Variants in CCSER1 observed in about 807,000 individuals in gnomAD.
CCSER1 encodes coiled-coil serine rich protein 1, also known as serine-rich coiled-coil domain-containing protein 1.
In CCSER1, 41 loss-of-function variants were observed where a neutral mutation model predicts 82.0. The ratio of observed to expected loss-of-function variants is 0.50; its 90% CI spans 0.39 to 0.65. The LOEUF (loss-of-function observed/expected upper bound fraction) is 0.65. Ranked by LOEUF, CCSER1 falls within the 30% of genes least tolerant of loss-of-function variation. CCSER1 has a pLI of 0.00. For synonymous variants in CCSER1, 414 were observed against 383.9 expected (o/e 1.08, Z -0.92); for missense variants, 1,119 against 1,064.2 (o/e 1.05, Z -0.72).
intron 8 of CCSER1, among the ~76,000 whole-genome samples, chr4:90,827,160 A>C (rs1760575757): frequency 1.3e-5 from 2 of 152,200 alleles, no homozygotes; most frequent in African/African-American, 4.8e-5. Flanking sequence ...ATATCCGTGC[A>C]GTTTCTGGGA....
chr4:90,794,808 T>C (rs1042129381), intron 7 of CCSER1, among the ~76,000 whole-genome samples: 1 of 152,204 alleles, frequency 6.6e-6, no homozygotes, highest in African/African-American at 2.4e-5. Context: ...GAGCATGGAA[T>C]GTTTTCCCAT....
At chr4:91,058,431 C>T (rs975397609) in intron 9 of CCSER1, among the ~76,000 whole-genome samples, 4 of 152,094 alleles carry the variant, frequency 2.6e-5, no homozygotes, top group African/African-American at 7.2e-5. Flanking sequence ...CATGTTCCCT[C>T]TTGTAATGTT....
chr4:90,955,076 G>A (rs1408068018), intron 9 of CCSER1, among the ~76,000 whole-genome samples: 1 of 152,072 alleles, frequency 6.6e-6, no homozygotes, highest in Non-Finnish European at 1.5e-5. Flanking sequence ...TTTCTCATTA[G>A]CACTTGTTAC....
chr4:90,370,756 C>G (rs756943781), intron 3 of CCSER1, among the ~76,000 whole-genome samples: 1 of 151,992 alleles, frequency 6.6e-6, no homozygotes, highest in Admixed American at 6.6e-5. Context: ...ACACCTCATG[C>G]ACCTAGCATT....
chr4:90,250,837 A>G (rs959631194), intron 1 of CCSER1, among the ~76,000 whole-genome samples: 6 of 152,038 alleles, frequency 3.9e-5, no homozygotes, highest in Non-Finnish European at 7.4e-5. Context: ...GTTCTAATCA[A>G]TGACCATCAA....
chr4:91,533,831 G>A (rs1761155784), intron 10 of CCSER1, among the ~76,000 whole-genome samples: 1 of 151,804 alleles, frequency 6.6e-6, no homozygotes. Context: ...CATTCACCTG[G>A]TTCTCAATTA....
intron 10 of CCSER1, among the ~76,000 whole-genome samples, chr4:91,190,532 T>G (rs1734912353): frequency 6.6e-6 from 1 of 152,206 alleles, no homozygotes; most frequent in Non-Finnish European, 1.5e-5. Flanking sequence ...TAAGAATTTT[T>G]TTTTCCACAA....
chr4:90,390,939 C>G (rs1428588822), intron 3 of CCSER1, among the ~76,000 whole-genome samples: 6 of 151,910 alleles, frequency 3.9e-5, no homozygotes, highest in Non-Finnish European at 8.8e-5. Context: ...TGCAGCCTTG[C>G]AAGGATCTCT....
chr4:90,892,887 T>G (rs1723156346), intron 8 of CCSER1, among the ~76,000 whole-genome samples: 1 of 152,080 alleles, frequency 6.6e-6, no homozygotes, highest in Admixed American at 6.6e-5. Context: ...GAATTTTTCT[T>G]TTCTTTGTTT....
At chr4:90,324,641 G>A (rs527876181) in intron 3 of CCSER1, among the ~76,000 whole-genome samples, 1,652 of 150,516 alleles carry the variant, frequency 0.011, 30 homozygotes, top group African/African-American at 0.039. Flanking sequence ...TCTGATGGTA[G>A]TTTCTTTTGC....
At chr4:90,831,313 T>C (rs1052782875) in intron 8 of CCSER1, among the ~76,000 whole-genome samples, 5 of 152,212 alleles carry the variant, frequency 3.3e-5, no homozygotes, top group Admixed American at 6.5e-5. Context: ...ACTGTATTCA[T>C]TATTTTCTAT....
At chr4:91,427,937 T>A (rs1156705444) in intron 10 of CCSER1, among the ~76,000 whole-genome samples, 1 of 152,020 alleles carries the variant, frequency 6.6e-6, no homozygotes, top group Non-Finnish European at 1.5e-5. Flanking sequence ...GGGATATAGC[T>A]TTTATTTAGC....
intron 10 of CCSER1, among the ~76,000 whole-genome samples, chr4:91,150,357 T>C (rs1161887745): frequency 6.6e-6 from 1 of 152,242 alleles, no homozygotes; most frequent in African/African-American, 2.4e-5. Context: ...TGAAGTTGCT[T>C]ATCAGCTTAA....
At chr4:91,275,932 A>AT (rs1195120319) in intron 10 of CCSER1, among the ~76,000 whole-genome samples, 1 of 151,902 alleles carries the variant, frequency 6.6e-6, no homozygotes, top group African/African-American at 2.4e-5. Context: ...ACTCCAATTT[A>AT]TTTTTTTGGT....
chr4:90,565,864 A>AT (rs200488526), intron 5 of CCSER1, among the ~76,000 whole-genome samples: 9,282 of 136,768 alleles, frequency 0.068, 473 homozygotes, highest in Admixed American at 0.18. Context: ...ATCCCTCTTG[A>AT]TTTTTTTTTT....
chr4:91,335,847 G>A (rs1033942123), intron 10 of CCSER1, among the ~76,000 whole-genome samples: 5 of 152,016 alleles, frequency 3.3e-5, no homozygotes, highest in African/African-American at 1.2e-4. Flanking sequence ...TTGTTTATGT[G>A]TGCTCATCAC....
chr4:90,559,883 C>A (rs1225748149), intron 5 of CCSER1, among the ~76,000 whole-genome samples: 1 of 147,514 alleles, frequency 6.8e-6, no homozygotes. Context: ...ACTTAGGAGG[C>A]TGAGGTGGGA....
At chr4:90,239,162 A>C (rs1328111308) in intron 1 of CCSER1, among the ~76,000 whole-genome samples, 2 of 152,146 alleles carry the variant, frequency 1.3e-5, no homozygotes, top group Non-Finnish European at 2.9e-5. Context: ...AGTTTTAGTC[A>C]ATAACAAAAA....
At chr4:91,344,307 G>A (rs1415633342) in intron 10 of CCSER1, among the ~76,000 whole-genome samples, 1 of 152,152 alleles carries the variant, frequency 6.6e-6, no homozygotes, top group African/African-American at 2.4e-5. Context: ...CTCCAGAACT[G>A]TGAGAAATTT....
Sources: allele counts gnomAD v4.1 joint callset (sites outside exome capture counted in the v4.1 genomes callset), GRCh38; gene constraint gnomAD v4.1.1; transcripts MANE v1.5; gene names NCBI Gene and HGNC (gene_info 2026-07-23, HGNC 2026-07-21).